PDXDC1: variants seen among roughly 807,000 people sequenced by gnomAD.
The protein encoded by PDXDC1 is pyridoxal dependent decarboxylase domain containing 1.
Under a neutral mutation model 100.1 loss-of-function variants are expected in PDXDC1, and 42 were observed. The observed-to-expected ratio is 0.42, with a 90% CI of 0.33 to 0.54. PDXDC1 has a LOEUF of 0.54. PDXDC1 is among the 20% of genes least tolerant of loss of function. PDXDC1 has a pLI of 0.10. For synonymous variants in PDXDC1, 260 were observed against 371.7 expected, an observed-to-expected ratio of 0.70 and a Z score of 3.46; for missense variants, 636 against 979.2, an observed-to-expected ratio of 0.65 and a Z score of 4.68.
At chr16:15,031,584 T>G (rs4985124) in intron 16 of PDXDC1, 151 bp from the exon 17 acceptor site, 194,561 of 603,230 alleles carry the variant, frequency 0.32, 33,225 homozygotes, top group Admixed American at 0.47. Flanking sequence ...TCCATATCTG[T>G]GTTGAGGGCC....
intron 16 of PDXDC1, chr16:15,084,520 A>G (rs1305946420): frequency 1.5e-6 from 1 of 658,144 alleles, no homozygotes; most frequent in Non-Finnish European, 2.6e-6. Flanking sequence ...CCTCAAGTGG[A>G]TACAAAAAAA....
At chr16:15,124,014 T>A (rs2047567854) in intron 16 of PDXDC1, among the ~76,000 whole-genome samples, 1 of 152,028 alleles carries the variant, frequency 6.6e-6, no homozygotes, top group Non-Finnish European at 1.5e-5. Context: ...GGACTTTAAA[T>A]TCTGAACCCA....
intron 19 of PDXDC1, 188 bp from the exon 20 acceptor site, chr16:15,034,098 T>A: frequency 1.7e-6 from 1 of 596,804 alleles, no homozygotes; most frequent in East Asian, 2.8e-5. Flanking sequence ...CACCAAGGTG[T>A]GTCTGCCTAG....
intron 15 of PDXDC1, 30 bp from the exon 16 acceptor site, chr16:15,029,921 A>G (rs182323996): frequency 3.2e-6 from 5 of 1,541,726 alleles, no homozygotes; most frequent in South Asian, 1.2e-5. Flanking sequence ...CCCTTGTTAC[A>G]GGAGGGTGTT....
At chr16:15,081,251 G>A (rs1161955804) in intron 16 of PDXDC1, among the ~76,000 whole-genome samples, 1 of 152,188 alleles carries the variant, frequency 6.6e-6, no homozygotes, top group East Asian at 1.9e-4. Flanking sequence ...GAACTGCTGA[G>A]TCACGTGTTA....
At chr16:15,136,319 G>A (rs996683233) in intron 16 of PDXDC1, among the ~76,000 whole-genome samples, 36 of 152,286 alleles carry the variant, frequency 2.4e-4, no homozygotes, top group Non-Finnish European at 3.7e-4. Context: ...TGTGGGCACC[G>A]GCAGGGATCC....
intron 12 of PDXDC1, among the ~76,000 whole-genome samples, chr16:15,022,349 T>C (rs575207178): frequency 2.3e-3 from 353 of 152,302 alleles, no homozygotes; most frequent in African/African-American, 7.6e-3. Flanking sequence ...TATCACCAGC[T>C]CTTGAGCGTG....
intron 22 of PDXDC1, 92 bp downstream of exon 22, chr16:15,035,645 TC>T: frequency 1.5e-6 from 1 of 688,410 alleles, no homozygotes; most frequent in Non-Finnish European, 2.4e-6. Flanking sequence ...ACTCCAGAGG[TC>T]TATTTCTCTT....
chr16:15,111,944 C>G (rs1042106257), intron 16 of PDXDC1, among the ~76,000 whole-genome samples: 12 of 147,966 alleles, frequency 8.1e-5, no homozygotes, highest in Admixed American at 3.4e-4. Context: ...AACATTTCAC[C>G]CCCTGCTCCT....
intron 16 of PDXDC1, among the ~76,000 whole-genome samples, chr16:15,110,193 G>A (rs1209070626): frequency 1.3e-5 from 2 of 148,970 alleles, no homozygotes; most frequent in Non-Finnish European, 3.0e-5. Flanking sequence ...ACCAATGCCA[G>A]TACTAGCAAC....
At chr16:15,137,668 C>T in intron 16 of PDXDC1, 1 of 1,206,028 alleles carries the variant, frequency 8.3e-7, no homozygotes. Context: ...CCCAGAGAGG[C>T]CTTCCTGAGC....
chr16:15,004,255 C>A lies in PDXDC1; in HGVS notation c.311C>A (p.Thr104Asn). 1 of 1,614,164 alleles carries A rather than the reference C, an allele frequency of 6.2e-7. No individual in the cohort carries two copies. The highest frequency in any genetic ancestry group is 1.3e-5 in the African/African-American group (1 of 75,080). Residue 104 changes from threonine (T) to asparagine (N), a missense_variant, in exon 5 of 23, where the codon ACT becomes AAT. By Grantham distance (65) the Thr-to-Asn change is moderately conservative. This residue lies in a region of PDXDC1 where 125 missense variants were observed against 479.9 expected (regional missense o/e 0.26). Transcript: ENST00000396410. ...LGHSLGAYIS[T>N]LDKEKLRKLT... ...CATAGTCTGGGAGCTTATATTTCAA[C>A]TCTGGACAAAGAGAAGCTGAGAAAA...
At chr16:15,093,979 C>T (rs1387428185) in intron 16 of PDXDC1, 12 of 674,550 alleles carry the variant, frequency 1.8e-5, no homozygotes, top group Non-Finnish European at 2.9e-5. Context: ...ATGTCTATTA[C>T]CCAGTTAGGA....
chr16:14,999,437 C>G (rs1263449062), intron 3 of PDXDC1, among the ~76,000 whole-genome samples: 1 of 151,894 alleles, frequency 6.6e-6, no homozygotes, highest in Non-Finnish European at 1.5e-5. Context: ...AGCTAGGCAC[C>G]GTGGTGCACA....
intron 16 of PDXDC1, among the ~76,000 whole-genome samples, chr16:15,111,411 G>A (rs1375320941): frequency 6.4e-5 from 9 of 141,158 alleles, no homozygotes; most frequent in Non-Finnish European, 1.1e-4. Flanking sequence ...AGCTGAGATT[G>A]TGCCATTGCA....
intron 16 of PDXDC1, chr16:15,086,403 A>T (rs1391709384): frequency 1.2e-6 from 2 of 1,613,642 alleles, no homozygotes; most frequent in Non-Finnish European, 1.7e-6. Flanking sequence ...TCTTTTGTCA[A>T]GTACATGATA....
At chr16:15,104,714 G>C in intron 16 of PDXDC1, 1 of 1,597,476 alleles carries the variant, frequency 6.3e-7, no homozygotes, top group Non-Finnish European at 8.5e-7. Context: ...AGGGCCAGCA[G>C]GGCAATCCTG....
intron 16 of PDXDC1, chr16:15,071,352 C>G (rs2045219423): frequency 9.1e-7 from 1 of 1,101,804 alleles, no homozygotes; most frequent in African/African-American, 1.6e-5. Context: ...GGGAAAAGTT[C>G]TACTATCTCA....
At position 14,999,242 on chromosome 16, in the gene PDXDC1, T is replaced by C. The variant is rs796647019; in HGVS notation, c.161+837T>C. 4.6e-5 allele frequency among the ~76,000 whole-genome samples: 7 copies of C among 152,274 alleles called. No individual in the cohort carries two copies. In the South Asian group the frequency reaches 1.2e-3, roughly 27 times the overall value. On this transcript the variant is annotated intron_variant, in intron 3 of 22. Transcript: ENST00000396410. ...CCACCACGCCCAGCTAATTTTTGTA[T>C]TTTTAGTAGAGACGGGGTTTCACCA...
Sources: gnomAD v4.1 joint callset for allele counts (sites outside exome capture counted in the v4.1 genomes callset) on GRCh38, gnomAD v4.1.1 for gene constraint, gnomAD v4.1.1 regional missense constraint, MANE v1.5 for transcripts, NCBI Gene and HGNC (gene_info 2026-07-23, HGNC 2026-07-21) for gene names.